Variants in EVI5 observed in about 807,000 individuals in gnomAD.
EVI5 encodes ecotropic viral integration site 5 protein homolog.
A neutral mutation model predicts 112.0 loss-of-function variants in EVI5; 73 were observed. The ratio of observed to expected loss-of-function variants is 0.65; its 90% CI spans 0.54 to 0.79. The LOEUF (loss-of-function observed/expected upper bound fraction) is 0.79. EVI5 is among the 30% of genes least tolerant of loss of function. The pLI is 0.00. For synonymous variants in EVI5, 305 were observed against 319.9 expected (o/e 0.95, Z 0.50); for missense variants, 900 against 968.8 (o/e 0.93, Z 0.94).
intron 19 of EVI5, among the ~76,000 whole-genome samples, chr1:92,552,646 T>C (rs1039317704): frequency 1.3e-5 from 2 of 152,228 alleles, no homozygotes; most frequent in African/African-American, 2.4e-5. Flanking sequence ...CCTCTGAGTA[T>C]CAGATTCAAA....
intron 18 of EVI5, among the ~76,000 whole-genome samples, chr1:92,602,267 A>G (rs944495918): frequency 2.3e-4 from 35 of 152,350 alleles, no homozygotes; most frequent in African/African-American, 8.4e-4. Context: ...CTTGGAGTAC[A>G]ATATAATTAA....
chr1:92,730,623 A>T (rs1313251061), intron 2 of EVI5, among the ~76,000 whole-genome samples: 2 of 151,266 alleles, frequency 1.3e-5, no homozygotes, highest in African/African-American at 4.9e-5. Flanking sequence ...CCAAGGCAGC[A>T]GCAAGCCATG....
intron 18 of EVI5, among the ~76,000 whole-genome samples, chr1:92,575,680 A>T (rs1670966462): frequency 6.9e-6 from 1 of 145,906 alleles, no homozygotes; most frequent in East Asian, 2.0e-4. Flanking sequence ...AGCGATTCTC[A>T]TGCCTCCCGA....
chr1:92,763,800 T>C (rs1682229836), intron 1 of EVI5, among the ~76,000 whole-genome samples: 1 of 151,492 alleles, frequency 6.6e-6, no homozygotes, highest in South Asian at 2.1e-4. Flanking sequence ...TCTTAAAAAA[T>C]AAATAATAAA....
intron 14 of EVI5, 102 bp downstream of exon 14, chr1:92,636,100 T>C (rs1658771403): frequency 1.1e-6 from 1 of 925,666 alleles, no homozygotes; most frequent in Non-Finnish European, 1.6e-6. Flanking sequence ...AGGCTTCTAA[T>C]GTATAAAAAC....
intron 13 of EVI5, among the ~76,000 whole-genome samples, chr1:92,643,538 A>T (rs1269732666): frequency 1.3e-5 from 2 of 152,002 alleles, no homozygotes; most frequent in Admixed American, 1.3e-4. Flanking sequence ...TCTCCCAAAG[A>T]GCTATGGTTA....
intron 13 of EVI5, among the ~76,000 whole-genome samples, chr1:92,654,240 C>T (rs1015124241): frequency 1.3e-5 from 2 of 152,098 alleles, no homozygotes; most frequent in Non-Finnish European, 2.9e-5. Context: ...CAGGCTCTTA[C>T]CCACAACCAC....
chr1:92,695,423 G>A lies in EVI5; in HGVS notation c.796C>T (p.Gln266Ter). The change falls in exon 7 of 20, where the codon CAA becomes TAA. Residue 266 changes from glutamine to a stop codon, truncating the protein, a stop_gained. Coordinates refer to ENST00000684568, the MANE Select transcript of EVI5 (RefSeq NM_001350197.2). LOFTEE classifies it high-confidence loss of function. ...ATTGAGGTATGAAAACTCTGAGATT[G>A]AAAATGTACAAAGAGCTCTGGAAGA... Reference protein sequence around the residue: ...EHLPELFVHFQSQSFHTSMYA... With the variant: ...EHLPELFVHF The A allele has an allele frequency of 6.2e-7, 1 of 1,607,530 alleles. No individual in the cohort carries two copies. Among genetic ancestry groups the A allele is most frequent in the Non-Finnish European group, 8.5e-7 (1 of 1,174,826 alleles).
At chr1:92,714,499 T>C (rs1570535079) in intron 2 of EVI5, among the ~76,000 whole-genome samples, 4 of 152,234 alleles carry the variant, frequency 2.6e-5, no homozygotes, top group Admixed American at 1.3e-4. Flanking sequence ...ATTATTATCC[T>C]TGCAATTTTT....
At chr1:92,778,139 C>G (rs921029157) in intron 1 of EVI5, among the ~76,000 whole-genome samples, 5 of 152,054 alleles carry the variant, frequency 3.3e-5, no homozygotes, top group South Asian at 2.1e-4. Context: ...GATCTCTTGA[C>G]CTCATGATCT....
chr1:92,705,438 C>G (rs1056508447), intron 2 of EVI5, among the ~76,000 whole-genome samples: 12 of 152,172 alleles, frequency 7.9e-5, no homozygotes, highest in African/African-American at 2.7e-4. Flanking sequence ...TGCGTGGGAG[C>G]TTCTTCCTTC....
intron 1 of EVI5, among the ~76,000 whole-genome samples, chr1:92,745,098 A>ATTTT (rs750800778): frequency 1.5e-5 from 2 of 129,806 alleles, no homozygotes; most frequent in African/African-American, 2.9e-5. Flanking sequence ...TGCCAGGCTA[A>ATTTT]TTTTTTTTTT....
intron 2 of EVI5, among the ~76,000 whole-genome samples, chr1:92,731,327 A>C (rs1267630171): frequency 1.3e-5 from 2 of 152,204 alleles, no homozygotes; most frequent in Non-Finnish European, 2.9e-5. Context: ...TCAAAAAAAC[A>C]AAAAAAGAAA....
chr1:92,719,552 TAATA>T (rs1674385448), intron 2 of EVI5, among the ~76,000 whole-genome samples: 1 of 151,936 alleles, frequency 6.6e-6, no homozygotes, highest in Non-Finnish European at 1.5e-5. Flanking sequence ...TATCTCAAAA[TAATA>T]AGAGCTATTT....
intron 18 of EVI5, among the ~76,000 whole-genome samples, chr1:92,576,865 A>G (rs184951072): frequency 2.9e-4 from 44 of 152,324 alleles, no homozygotes. Context: ...CATCTTTGGT[A>G]GTTCAATGAT....
chr1:92,733,987 T>C (rs1429053418), intron 2 of EVI5, among the ~76,000 whole-genome samples: 1 of 152,154 alleles, frequency 6.6e-6, no homozygotes, highest in African/African-American at 2.4e-5. Context: ...GAAACTTCAG[T>C]TTTCTCTTAC....
At chr1:92,762,332 CTT>C (rs1682006095) in intron 1 of EVI5, among the ~76,000 whole-genome samples, 2 of 152,172 alleles carry the variant, frequency 1.3e-5, no homozygotes, top group South Asian at 4.1e-4. Flanking sequence ...TTACTATATG[CTT>C]TATTATGAGC....
chr1:92,712,994 G>C (rs1201781592), intron 2 of EVI5, among the ~76,000 whole-genome samples: 1 of 151,534 alleles, frequency 6.6e-6, no homozygotes, highest in East Asian at 1.9e-4. Context: ...ATGGGGTCTT[G>C]AGAGGCTGGT....
chr1:92,730,142 A>C (rs1185530632), intron 2 of EVI5, among the ~76,000 whole-genome samples: 1 of 152,178 alleles, frequency 6.6e-6, no homozygotes, highest in Non-Finnish European at 1.5e-5. Flanking sequence ...AGGCAGGAGG[A>C]TCACTTGAGC....
Sources: gnomAD v4.1 joint callset for allele counts (sites outside exome capture counted in the v4.1 genomes callset) on GRCh38, gnomAD v4.1.1 for gene constraint, MANE v1.5 for transcripts, NCBI Gene and HGNC (gene_info 2026-07-23, HGNC 2026-07-21) for gene names.